PDGFRL: variants seen among roughly 807,000 people sequenced by gnomAD.
PDGFRL encodes the protein platelet-derived growth factor receptor-like protein.
A neutral mutation model predicts 37.2 loss-of-function variants in PDGFRL; 46 were observed. The ratio of observed to expected loss-of-function variants is 1.24; its 90% CI spans 0.98 to 1.58. The LOEUF (loss-of-function observed/expected upper bound fraction) is 1.58. PDGFRL is among the 40% of genes most tolerant of loss of function. The pLI is 0.00. For missense variants in PDGFRL, 692 were observed against 467.6 expected (o/e 1.48, Z -4.43); for synonymous variants, 251 against 184.3 (o/e 1.36, Z -2.93).
chr8:17,622,362 C>G (rs1804651787), intron 3 of PDGFRL, among the ~76,000 whole-genome samples: 3 of 152,166 alleles, frequency 2.0e-5, no homozygotes, highest in South Asian at 4.1e-4. Flanking sequence ...CAGGGACTTT[C>G]ATGAAATTTC....
At chr8:17,585,955 T>TA (rs1472809111) in intron 1 of PDGFRL, among the ~76,000 whole-genome samples, 1 of 117,646 alleles carries the variant, frequency 8.5e-6, no homozygotes, top group Non-Finnish European at 1.9e-5. Flanking sequence ...TTTTTGTCTG[T>TA]TTTTTCTTTT....
chr8:17,611,228 A>C (rs890344103), intron 2 of PDGFRL, among the ~76,000 whole-genome samples: 4 of 152,186 alleles, frequency 2.6e-5, no homozygotes, highest in African/African-American at 9.6e-5. Flanking sequence ...GGTCCCTCTC[A>C]GTTCTGAAAG....
chr8:17,589,688 A>C lies in PDGFRL; in HGVS notation c.276A>C (p.Val92=), dbSNP rs1299080872. 1 of 1,613,530 alleles carries C rather than the reference A, an allele frequency of 6.2e-7. No individual in the cohort carries two copies. Among genetic ancestry groups the C allele is most frequent in the Admixed American group, 1.7e-5 (1 of 60,028 alleles). ...ATLSLLAGQT[V]ELRCKGSRIG... ...TGAGTCTGCTGGCGGGGCAAACTGTAGAGCTTCGATGTAAAGGGAGTAGAA... is the reference window on the plus strand; with the variant it reads ...TGAGTCTGCTGGCGGGGCAAACTGTCGAGCTTCGATGTAAAGGGAGTAGAA... The change falls in exon 2 of 6, where the codon GTA becomes GTC. Residue 92 remains valine (V), a synonymous_variant. Coordinates refer to ENST00000251630, the MANE Select transcript of PDGFRL (RefSeq NM_001372073.1).
intron 2 of PDGFRL, among the ~76,000 whole-genome samples, chr8:17,616,439 C>T (rs1226604453): frequency 1.3e-5 from 2 of 151,896 alleles, no homozygotes; most frequent in African/African-American, 2.4e-5. Flanking sequence ...GTGATCCACC[C>T]ACCTCGGCCT....
intron 2 of PDGFRL, among the ~76,000 whole-genome samples, chr8:17,596,831 G>A (rs148211797): frequency 5.3e-4 from 80 of 152,312 alleles, no homozygotes; most frequent in African/African-American, 1.8e-3. Flanking sequence ...AAGGGGGCAC[G>A]ATGTATTTCA....
chr8:17,610,740 G>A (rs1334351123), intron 2 of PDGFRL, among the ~76,000 whole-genome samples: 3 of 152,078 alleles, frequency 2.0e-5, no homozygotes, highest in South Asian at 2.1e-4. Flanking sequence ...GTGAAACCCC[G>A]TCACTACTAA....
chr8:17,596,622 GCGTTAATCTGAA>G (rs1804058328), intron 2 of PDGFRL, among the ~76,000 whole-genome samples: 1 of 152,176 alleles, frequency 6.6e-6, no homozygotes, highest in African/African-American at 2.4e-5. Flanking sequence ...TCTAAAGTGA[GCGTTAATCTGAA>G]GAGAAATATT....
rs116856048 is a variant in PDGFRL, at chr8:17,588,739, C to G, written c.56-729C>G. On this transcript the variant is annotated intron_variant, in intron 1 of 5. Coordinates refer to ENST00000251630, the MANE Select transcript of PDGFRL (RefSeq NM_001372073.1). ...GTTTGTGTCCCCAGTCTCTGTGGAGCTACAGATTTCTGTGTTTAAACAGTA... is the reference window on the plus strand; with the variant it reads ...GTTTGTGTCCCCAGTCTCTGTGGAGGTACAGATTTCTGTGTTTAAACAGTA... Among the ~76,000 whole-genome samples, 635 of 152,238 alleles carry G rather than the reference C, an allele frequency of 4.2e-3. 10 individuals are homozygous for G. The highest frequency in any genetic ancestry group is 0.029 in the South Asian group (137 of 4,806).
At chr8:17,606,960 A>G (rs983382813) in intron 2 of PDGFRL, among the ~76,000 whole-genome samples, 5 of 139,732 alleles carry the variant, frequency 3.6e-5, no homozygotes, top group South Asian at 2.3e-4. Context: ...CAGTGGTGCA[A>G]TCTGGGCTCA....
intron 2 of PDGFRL, among the ~76,000 whole-genome samples, chr8:17,590,253 A>AAAAAC (rs1356419901): frequency 2.8e-5 from 4 of 144,628 alleles, no homozygotes; most frequent in African/African-American, 1.0e-4. Flanking sequence ...AAAAAAAAAA[A>AAAAAC]AAATTGCAAA....
intron 2 of PDGFRL, among the ~76,000 whole-genome samples, chr8:17,598,830 G>C (rs559261646): frequency 6.6e-6 from 1 of 152,226 alleles, no homozygotes; most frequent in African/African-American, 2.4e-5. Context: ...CGTCTCACGA[G>C]ATCACATGGT....
At chr8:17,591,925 CAAAG>C (rs1384736043) in intron 2 of PDGFRL, among the ~76,000 whole-genome samples, 6 of 152,204 alleles carry the variant, frequency 3.9e-5, no homozygotes. Flanking sequence ...AAAAAAGAAA[CAAAG>C]AAAGAAAGGC....
intron 1 of PDGFRL, among the ~76,000 whole-genome samples, chr8:17,580,596 A>C (rs1803685599): frequency 6.6e-6 from 1 of 152,150 alleles, no homozygotes; most frequent in African/African-American, 2.4e-5. Flanking sequence ...CAATGAAGGG[A>C]GAGGAAAGAT....
At chr8:17,614,668 T>C (rs926408759) in intron 2 of PDGFRL, among the ~76,000 whole-genome samples, 6 of 152,200 alleles carry the variant, frequency 3.9e-5, no homozygotes, top group Non-Finnish European at 8.8e-5. Context: ...AGCCTCCAGC[T>C]CCCAGGCTCA....
At chr8:17,638,765 AT>A (rs1563532469) in intron 5 of PDGFRL, among the ~76,000 whole-genome samples, 14 of 117,926 alleles carry the variant, frequency 1.2e-4, no homozygotes, top group South Asian at 1.1e-3. Context: ...ATATATATAT[AT>A]ATATATATAT....
At chr8:17,620,410 G>A (rs2588109) in intron 2 of PDGFRL, among the ~76,000 whole-genome samples, 69,529 of 152,008 alleles carry the variant, frequency 0.46, 16,264 homozygotes, top group African/African-American at 0.58. Context: ...GTTTTAGGTT[G>A]CAGAGAAATG....
chr8:17,590,578 C>T (rs2150813493), intron 2 of PDGFRL, among the ~76,000 whole-genome samples: 1 of 150,888 alleles, frequency 6.6e-6, no homozygotes, highest in South Asian at 2.1e-4. Context: ...GATGTGGTAG[C>T]ATGCACCTGC....
intron 1 of PDGFRL, among the ~76,000 whole-genome samples, chr8:17,581,991 A>G (rs1803717752): frequency 6.6e-6 from 1 of 152,156 alleles, no homozygotes; most frequent in Admixed American, 6.5e-5. Flanking sequence ...GGCTCAGAAG[A>G]AAACAGCAAG....
intron 2 of PDGFRL, among the ~76,000 whole-genome samples, chr8:17,608,512 G>A (rs1804333996): frequency 6.6e-6 from 1 of 152,214 alleles, no homozygotes; most frequent in South Asian, 2.1e-4. Flanking sequence ...GAAGGAGGCA[G>A]AGGGAGGCAC....
Sources: allele counts gnomAD v4.1 joint callset (sites outside exome capture counted in the v4.1 genomes callset), GRCh38; gene constraint gnomAD v4.1.1; transcripts MANE v1.5; gene names NCBI Gene and HGNC (gene_info 2026-07-23, HGNC 2026-07-21).